Variants in ARHGAP40 observed in about 807,000 individuals in gnomAD.
The protein encoded by ARHGAP40 is rho GTPase-activating protein 40.
In ARHGAP40, 43 loss-of-function variants were observed where a neutral mutation model predicts 73.5. The ratio of observed to expected loss-of-function variants is 0.58; its 90% CI spans 0.46 to 0.75. The LOEUF (loss-of-function observed/expected upper bound fraction) is 0.75, where lower values mean the gene tolerates loss of function less well. Ranked by LOEUF, ARHGAP40 falls within the 30% of genes least tolerant of loss-of-function variation. The pLI is 0.00. For synonymous variants in ARHGAP40, 300 were observed against 352.8 expected, an observed-to-expected ratio of 0.85 and a Z score of 1.68; for missense variants, 734 against 861.8, an observed-to-expected ratio of 0.85 and a Z score of 1.86.
chr20:38,637,871 G>T, intron 7 of ARHGAP40, 72 bp downstream of exon 7: 1 of 1,181,630 alleles, frequency 8.5e-7, no homozygotes, highest in East Asian at 6.1e-5. Context: ...ATTGTCAGGA[G>T]ACATCCAGCA....
chr20:38,618,214 C>G (rs746249918), intron 1 of ARHGAP40, among the ~76,000 whole-genome samples: 21 of 152,026 alleles, frequency 1.4e-4, no homozygotes, highest in Non-Finnish European at 2.9e-4. Flanking sequence ...ATTCTCCTGC[C>G]TCAGCCTCCT....
intron 1 of ARHGAP40, among the ~76,000 whole-genome samples, chr20:38,612,241 A>C (rs2088808608): frequency 6.6e-6 from 1 of 152,246 alleles, no homozygotes; most frequent in South Asian, 2.1e-4. Context: ...TTTTCATCAG[A>C]AATCCTTAAT....
chr20:38,642,323 G>C (rs1477188144), intron 10 of ARHGAP40, among the ~76,000 whole-genome samples: 1 of 152,166 alleles, frequency 6.6e-6, no homozygotes. Context: ...ATGGATGCAG[G>C]GCCTTGGCCC....
At chr20:38,611,555 C>T (rs560675367) in intron 1 of ARHGAP40, among the ~76,000 whole-genome samples, 6 of 151,788 alleles carry the variant, frequency 4.0e-5, no homozygotes, top group African/African-American at 1.5e-4. Flanking sequence ...ACGGCTGGGA[C>T]TCCAGTTATG....
intron 1 of ARHGAP40, among the ~76,000 whole-genome samples, chr20:38,622,582 A>C (rs1048186799): frequency 2.0e-5 from 3 of 152,194 alleles, no homozygotes; most frequent in Admixed American, 1.3e-4. Flanking sequence ...GAGGGGGATT[A>C]AAGGGAAGGA....
chr20:38,627,799 T>C (rs2088912110), intron 3 of ARHGAP40, among the ~76,000 whole-genome samples: 1 of 152,170 alleles, frequency 6.6e-6, no homozygotes, highest in Non-Finnish European at 1.5e-5. Flanking sequence ...TGCATGCCAC[T>C]GCATATATGC....
chr20:38,619,461 T>A (rs1218130692), intron 1 of ARHGAP40, among the ~76,000 whole-genome samples: 1 of 151,670 alleles, frequency 6.6e-6, no homozygotes, highest in African/African-American at 2.4e-5. Flanking sequence ...TAGGGGTTCA[T>A]GGGATGTGGA....
exon 3 of ARHGAP40, chr20:38,627,076 A>G (rs934893630): frequency 7.7e-7 from 1 of 1,305,286 alleles, no homozygotes; most frequent in Admixed American, 2.3e-5. Flanking sequence ...GGTGATCACC[A>G]GGAGCTCCTG....
chr20:38,618,320 G>A (rs923173210), intron 1 of ARHGAP40, among the ~76,000 whole-genome samples: 2 of 152,010 alleles, frequency 1.3e-5, no homozygotes, highest in Non-Finnish European at 2.9e-5. Context: ...TGTTGGCCAG[G>A]CTGTTCTTGA....
At chr20:38,615,824 C>T (rs2145597402) in intron 1 of ARHGAP40, among the ~76,000 whole-genome samples, 1 of 152,244 alleles carries the variant, frequency 6.6e-6, no homozygotes, top group East Asian at 1.9e-4. Context: ...ACAAATGATC[C>T]CCAAACCCAG....
At chr20:38,634,852 TC>T in intron 6 of ARHGAP40, 67 bp downstream of exon 6, 1 of 1,175,816 alleles carries the variant, frequency 8.5e-7, no homozygotes, top group Non-Finnish European at 1.1e-6. Flanking sequence ...ACACGGACTC[TC>T]CCAGCAAGAG....
intron 2 of ARHGAP40, among the ~76,000 whole-genome samples, chr20:38,625,414 T>A (rs1349270958): frequency 1.3e-5 from 2 of 152,032 alleles, no homozygotes; most frequent in Non-Finnish European, 2.9e-5. Context: ...TTTCTTTTCT[T>A]TTTATTTATT....
intron 10 of ARHGAP40, among the ~76,000 whole-genome samples, chr20:38,642,418 G>A (rs145237061): frequency 6.8e-4 from 103 of 152,304 alleles, no homozygotes; most frequent in African/African-American, 2.4e-3. Flanking sequence ...GGGTCTTCCT[G>A]TTTGAGTTTC....
chr20:38,612,449 A>G (rs186783215), intron 1 of ARHGAP40, among the ~76,000 whole-genome samples: 1 of 152,278 alleles, frequency 6.6e-6, no homozygotes, highest in Non-Finnish European at 1.5e-5. Flanking sequence ...TGAGGAGGGC[A>G]GATCACTTGA....
exon 15 of ARHGAP40, chr20:38,649,989 TC>T (rs2145618461): frequency 3.9e-6 from 2 of 508,928 alleles, no homozygotes; most frequent in South Asian, 3.7e-5. Context: ...GAAATGCCTC[TC>T]AGACCCCTCA....
At chr20:38,613,566 G>C (rs2088816400) in intron 1 of ARHGAP40, among the ~76,000 whole-genome samples, 2 of 152,144 alleles carry the variant, frequency 1.3e-5, no homozygotes, top group South Asian at 4.1e-4. Context: ...CCCATGGGCA[G>C]GGTGGAGAAG....
chr20:38,629,782 G>A (rs565841419), intron 5 of ARHGAP40, 132 bp downstream of exon 5: 37 of 1,030,918 alleles, frequency 3.6e-5, no homozygotes, highest in South Asian at 9.7e-5. Context: ...CATTTAATTC[G>A]TACCACAAAT....
intron 5 of ARHGAP40, among the ~76,000 whole-genome samples, chr20:38,631,050 G>A (rs900492512): frequency 7.2e-5 from 11 of 152,152 alleles, no homozygotes; most frequent in Admixed American, 3.3e-4. Flanking sequence ...AGTGGCTCAC[G>A]CCTGTAATCC....
chr20:38,629,608 AT>A lies in ARHGAP40; in HGVS notation c.742del (p.Ser248ProfsTer25). 7.7e-7 allele frequency: 1 copy of A among 1,305,410 alleles called. No homozygotes were observed. The highest frequency in any genetic ancestry group is 1.0e-6 in the Non-Finnish European group (1 of 988,950). 80.9% of individuals were successfully genotyped at this position (1,305,410 alleles called of 1,614,324 possible). On this transcript the variant is annotated frameshift_variant, in exon 5 of 15. Transcript: ENST00000373345. LOFTEE classifies it high-confidence loss of function. ...CGGTGCTCCTGCAGAGGAGCAGGCC[AT>A]CCCGGGGAGGCACCTCTGCCTGGGG...
Sources: gnomAD v4.1 joint callset for allele counts (sites outside exome capture counted in the v4.1 genomes callset) on GRCh38, gnomAD v4.1.1 for gene constraint, MANE v1.5 for transcripts, NCBI Gene and HGNC (gene_info 2026-07-23, HGNC 2026-07-21) for gene names.